The following CDC42BPA variants were observed in gnomAD, a reference collection of about 807,000 sequenced individuals.
The protein encoded by CDC42BPA is CDC42 binding protein kinase alpha.
CDC42BPA carries 80 observed loss-of-function variants against 223.5 expected under a neutral mutation model. The observed-to-expected ratio is 0.36, with a 90% CI of 0.30 to 0.43. The LOEUF is 0.43. Among genes scored for constraint, CDC42BPA ranks in the 20% least tolerant of loss-of-function variants. The probability of loss-of-function intolerance (pLI) is 1.00; values close to 1 mark genes in which losing one functional copy is unlikely to be tolerated. For missense variants in CDC42BPA, 1,743 were observed against 2,099.9 expected, an observed-to-expected ratio of 0.83 and a Z score of 3.32; for synonymous variants, 694 against 718.6, an observed-to-expected ratio of 0.97 and a Z score of 0.55.
At chr1:227,253,267 A>AGC (rs770471366) in intron 2 of CDC42BPA, among the ~76,000 whole-genome samples, 1 of 148,056 alleles carries the variant, frequency 6.8e-6, no homozygotes, top group Non-Finnish European at 1.5e-5. Context: ...AGCGAGAGAG[A>AGC]GCGCGCGCGC....
intron 23 of CDC42BPA, among the ~76,000 whole-genome samples, chr1:227,041,778 C>T (rs1165428708): frequency 5.9e-5 from 9 of 152,140 alleles, no homozygotes; most frequent in Admixed American, 5.9e-4. Context: ...AGTTTCAAAG[C>T]AGCACTAGGA....
At chr1:227,096,627 T>G (rs1030279396) in intron 15 of CDC42BPA, among the ~76,000 whole-genome samples, 1 of 152,228 alleles carries the variant, frequency 6.6e-6, no homozygotes, top group Non-Finnish European at 1.5e-5. Flanking sequence ...CTTGACATGC[T>G]GTCTGGCTTT....
intron 10 of CDC42BPA, among the ~76,000 whole-genome samples, chr1:227,135,094 C>T (rs1194230403): frequency 6.6e-6 from 1 of 152,166 alleles, no homozygotes. Flanking sequence ...GAAGCCTTAT[C>T]CATTTCTGTG....
chr1:227,258,458 G>C lies in CDC42BPA; in HGVS notation c.179-4303C>G. ...GAACAATAAATATTAACAATATTAA[G>C]TGTCTATACAGGGGTATACAGTTAT... On this transcript the variant is annotated intron_variant, in intron 1 of 36. Coordinates refer to ENST00000366766, the MANE Select transcript of CDC42BPA (RefSeq NM_001394014.1). 1.3e-5 allele frequency among the ~76,000 whole-genome samples: 2 copies of C among 150,904 alleles called. 1 individual carries two copies. Among genetic ancestry groups the C allele is most frequent in the Middle Eastern group, 6.8e-3 (2 of 294 alleles).
At chr1:227,062,665 C>T (rs552853015) in intron 21 of CDC42BPA, among the ~76,000 whole-genome samples, 15 of 152,170 alleles carry the variant, frequency 9.9e-5, no homozygotes, top group Admixed American at 7.2e-4. Context: ...CTAGGTATTT[C>T]TCATGGCATT....
chr1:227,185,921 C>CA (rs1668703439), intron 5 of CDC42BPA, among the ~76,000 whole-genome samples: 3 of 152,136 alleles, frequency 2.0e-5, no homozygotes, highest in African/African-American at 7.2e-5. Flanking sequence ...AGCATCCTAA[C>CA]AAAAAGTAAA....
chr1:227,231,482 CTT>C (rs1407301862), intron 2 of CDC42BPA, among the ~76,000 whole-genome samples: 1 of 152,080 alleles, frequency 6.6e-6, no homozygotes, highest in Non-Finnish European at 1.5e-5. Flanking sequence ...ATTTATAATC[CTT>C]TGAGTATATG....
At chr1:227,207,302 A>G (rs1195328602) in intron 3 of CDC42BPA, among the ~76,000 whole-genome samples, 2 of 106,214 alleles carry the variant, frequency 1.9e-5, no homozygotes, top group Non-Finnish European at 4.0e-5. Context: ...CATGGTGTAT[A>G]TGTCACACAT....
intron 2 of CDC42BPA, among the ~76,000 whole-genome samples, chr1:227,247,398 G>C (rs1284470181): frequency 2.0e-5 from 3 of 150,806 alleles, no homozygotes; most frequent in Non-Finnish European, 4.4e-5. Flanking sequence ...AGAAGGTTGA[G>C]GCAAGAGAAT....
intron 5 of CDC42BPA, among the ~76,000 whole-genome samples, chr1:227,182,309 A>C (rs2150049448): frequency 6.6e-6 from 1 of 152,316 alleles, no homozygotes; most frequent in South Asian, 2.1e-4. Flanking sequence ...TGGTAAGAAA[A>C]ATCACTTCCT....
intron 5 of CDC42BPA, among the ~76,000 whole-genome samples, chr1:227,181,230 T>C (rs1286235132): frequency 6.6e-6 from 1 of 152,122 alleles, no homozygotes; most frequent in Non-Finnish European, 1.5e-5. Flanking sequence ...GAAAAAAAGA[T>C]ATGACTGCCA....
chr1:227,126,649 G>A (rs1183604994), intron 11 of CDC42BPA, among the ~76,000 whole-genome samples: 1 of 152,172 alleles, frequency 6.6e-6, no homozygotes, highest in Non-Finnish European at 1.5e-5. Flanking sequence ...TGTACACCAT[G>A]ACCATGGTTT....
At chr1:227,253,655 CATAA>C (rs1231378405) in intron 2 of CDC42BPA, among the ~76,000 whole-genome samples, 12 of 136,612 alleles carry the variant, frequency 8.8e-5, no homozygotes, top group African/African-American at 3.7e-4. Flanking sequence ...TACATTCATA[CATAA>C]AATAAAATAC....
chr1:227,055,765 T>C (rs773110594), intron 21 of CDC42BPA, among the ~76,000 whole-genome samples: 169 of 152,274 alleles, frequency 1.1e-3, no homozygotes, highest in Non-Finnish European at 5.4e-4. Flanking sequence ...GAAATATCTT[T>C]AAGTAAATGC....
At chr1:227,279,967 A>T (rs1345331527) in intron 1 of CDC42BPA, among the ~76,000 whole-genome samples, 3 of 152,166 alleles carry the variant, frequency 2.0e-5, no homozygotes, top group Non-Finnish European at 4.4e-5. Flanking sequence ...CTGAGGCAGG[A>T]GAATAACTTG....
intron 35 of CDC42BPA, among the ~76,000 whole-genome samples, chr1:226,996,861 G>A (rs1661720035): frequency 6.6e-6 from 1 of 152,154 alleles, no homozygotes; most frequent in Non-Finnish European, 1.5e-5. Flanking sequence ...ATGTTTGCTA[G>A]TATTTAATTG....
chr1:227,119,853 T>A lies in CDC42BPA; in HGVS notation c.1598A>T (p.Tyr533Phe). 2 of 1,601,198 alleles carry A rather than the reference T, an allele frequency of 1.2e-6. No homozygotes were observed. Among genetic ancestry groups the A allele is most frequent in the Non-Finnish European group, 1.7e-6 (2 of 1,172,420 alleles). ...TTGTAACGTTTTGATTTGTTTTTCATAAGCCTTGATTTGTCTAAAAGCATC... is the reference window on the plus strand; with the variant it reads ...TTGTAACGTTTTGATTTGTTTTTCAAAAGCCTTGATTTGTCTAAAAGCATC... The part of the protein sequence containing the change: ...LDDAFRQIKA[Y>F]EKQIKTLQQE... Residue 533 changes from tyrosine to phenylalanine, a missense_variant, in exon 12 of 37, where the codon TAT (tyrosine) becomes TTT (phenylalanine). Transcript: ENST00000366766.
intron 24 of CDC42BPA, among the ~76,000 whole-genome samples, chr1:227,038,792 A>G (rs763382268): frequency 6.6e-6 from 1 of 152,210 alleles, no homozygotes; most frequent in Non-Finnish European, 1.5e-5. Context: ...AAGACAAAGC[A>G]CAATCAAAGC....
At chr1:227,020,084 CAG>C (rs1423545140) in intron 32 of CDC42BPA, among the ~76,000 whole-genome samples, 1 of 152,094 alleles carries the variant, frequency 6.6e-6, no homozygotes, top group East Asian at 1.9e-4. Flanking sequence ...TTAATAGAGA[CAG>C]AGTTTCTCCA....
Sources: allele counts gnomAD v4.1 joint callset (sites outside exome capture counted in the v4.1 genomes callset), GRCh38; gene constraint gnomAD v4.1.1; transcripts MANE v1.5; gene names NCBI Gene and HGNC (gene_info 2026-07-23, HGNC 2026-07-21).